GALNT17: variants seen among roughly 807,000 people sequenced by gnomAD.
GALNT17 encodes the protein polypeptide N-acetylgalactosaminyltransferase 17.
GALNT17 carries 29 observed loss-of-function variants against 63.7 expected under a neutral mutation model. The observed-to-expected ratio is 0.46, with a 90% CI of 0.34 to 0.62. GALNT17 has a LOEUF of 0.62. Among genes scored for constraint, GALNT17 ranks in the 20% least tolerant of loss-of-function variants. GALNT17 has a pLI of 0.01. For missense variants in GALNT17, 603 were observed against 799.6 expected (o/e 0.75, Z 2.97); for synonymous variants, 305 against 318.3 (o/e 0.96, Z 0.45).
intron 5 of GALNT17, among the ~76,000 whole-genome samples, chr7:71,564,981 G>A (rs534828316): frequency 7.2e-4 from 109 of 152,152 alleles, no homozygotes; most frequent in African/African-American, 2.6e-3. Flanking sequence ...AAAGTATCAG[G>A]CTGGGCCGGG....
At chr7:71,301,396 A>AAT (rs1304057755) in intron 1 of GALNT17, among the ~76,000 whole-genome samples, 6 of 147,460 alleles carry the variant, frequency 4.1e-5, no homozygotes, top group African/African-American at 1.5e-4. Flanking sequence ...TATATAATAA[A>AAT]ATATATATTT....
At chr7:71,548,090 A>T (rs553169378) in intron 5 of GALNT17, among the ~76,000 whole-genome samples, 8 of 151,500 alleles carry the variant, frequency 5.3e-5, no homozygotes, top group African/African-American at 1.5e-4. Flanking sequence ...TTTTTTTTTA[A>T]AAATTAGCTG....
In GALNT17 at chr7:71,495,488, G is replaced by A. The variant is rs375906619; in HGVS notation, c.962+74383G>A. Among the ~76,000 whole-genome samples, 27 of 152,150 alleles carry A rather than the reference G, an allele frequency of 1.8e-4. 1 individual carries two copies. The highest frequency in any genetic ancestry group is 6.3e-4 in the African/African-American group (26 of 41,490). ...TAATTAATCAAAATAACCTCGGTGG[G>A]GAGGCATTATTATTATCATTATTTT... is the stretch of plus-strand genomic sequence containing the variant. On this transcript the variant is annotated intron_variant, in intron 5 of 10. Transcript: ENST00000333538.
chr7:71,289,425 G>A (rs1030174894), intron 1 of GALNT17, among the ~76,000 whole-genome samples: 9 of 151,400 alleles, frequency 5.9e-5, no homozygotes, highest in Non-Finnish European at 8.8e-5. Flanking sequence ...TGTTTTTCTC[G>A]TGATAAAGTT....
chr7:71,269,151 G>A (rs1790542110), intron 1 of GALNT17, among the ~76,000 whole-genome samples: 1 of 152,152 alleles, frequency 6.6e-6, no homozygotes, highest in Non-Finnish European at 1.5e-5. Context: ...GGTAACAAAG[G>A]AAAACACCAG....
intron 5 of GALNT17, among the ~76,000 whole-genome samples, chr7:71,535,544 G>C (rs1377662892): frequency 3.3e-5 from 5 of 152,200 alleles, no homozygotes; most frequent in Non-Finnish European, 5.9e-5. Context: ...ATTCTCACCT[G>C]CAAAGTAAAT....
chr7:71,547,579 A>G (rs953635444), intron 5 of GALNT17, among the ~76,000 whole-genome samples: 3 of 152,042 alleles, frequency 2.0e-5, no homozygotes, highest in Non-Finnish European at 4.4e-5. Context: ...GAGGCACCGC[A>G]CCCAGCCTTA....
chr7:71,323,372 C>T (rs1162082109), intron 1 of GALNT17, among the ~76,000 whole-genome samples: 1 of 152,146 alleles, frequency 6.6e-6, no homozygotes, highest in Non-Finnish European at 1.5e-5. Context: ...GCTAGCTGAC[C>T]TCTCCTTTCT....
chr7:71,468,666 C>G (rs1787577769), intron 5 of GALNT17, among the ~76,000 whole-genome samples: 2 of 150,722 alleles, frequency 1.3e-5, no homozygotes, highest in African/African-American at 4.9e-5. Flanking sequence ...ATCCTGCTAC[C>G]TAGGCCTCCC....
chr7:71,503,420 A>T lies in GALNT17; in HGVS notation c.963-67865A>T, dbSNP rs560277671. Among the ~76,000 whole-genome samples the T allele has an allele frequency of 9.0e-4, 137 of 152,234 alleles. 1 individual carries two copies. Among genetic ancestry groups the T allele is most frequent in the African/African-American group, 3.1e-3 (129 of 41,556 alleles). ...CATGCCTAATTTTTGTATTTTTAGT[A>T]GAGACAGGGCTTTGACATGTTGACC... On this transcript the variant is annotated intron_variant, in intron 5 of 10. Transcript: ENST00000333538.
At position 71,288,215 on chromosome 7, in the gene GALNT17, CAAAAA is replaced by C. The variant is rs59555320; in HGVS notation, c.239-47316_239-47312del. Among the ~76,000 whole-genome samples the C allele has an allele frequency of 3.8e-4, 32 of 83,838 alleles. No individual in the cohort carries two copies. In the South Asian group the frequency reaches 0.013, roughly 34 times the overall value. 55.0% of individuals were successfully genotyped at this position (83,838 alleles called of 152,430 possible). ...TGGGCGACAGAGTGGGACTCCATCTCAAAAAAAAAAAAAAAAAAAAAAATCCAAAC... is the reference window on the plus strand; with the variant it reads ...TGGGCGACAGAGTGGGACTCCATCTCAAAAAAAAAAAAAAAAAATCCAAAC... On this transcript the variant is annotated intron_variant, in intron 1 of 10. Transcript: ENST00000333538.
chr7:71,387,709 G>C (rs1164104742), intron 2 of GALNT17, among the ~76,000 whole-genome samples: 1 of 152,162 alleles, frequency 6.6e-6, no homozygotes, highest in Non-Finnish European at 1.5e-5. Flanking sequence ...AGGAAATGGA[G>C]GGGCTGGAGT....
chr7:71,145,869 C>A (rs1788013370), intron 1 of GALNT17, among the ~76,000 whole-genome samples: 1 of 152,150 alleles, frequency 6.6e-6, no homozygotes, highest in Non-Finnish European at 1.5e-5. Flanking sequence ...CCACACCCCG[C>A]TAATTTTTGT....
chr7:71,311,404 T>C (rs933253162), intron 1 of GALNT17, among the ~76,000 whole-genome samples: 3 of 152,078 alleles, frequency 2.0e-5, no homozygotes, highest in African/African-American at 7.2e-5. Context: ...GCATCTTATG[T>C]TTGGAGATAG....
At chr7:71,175,130 GTCTA>G (rs1222444875) in intron 1 of GALNT17, among the ~76,000 whole-genome samples, 1 of 148,684 alleles carries the variant, frequency 6.7e-6, no homozygotes, top group East Asian at 1.9e-4. Context: ...CCATCCATCA[GTCTA>G]TCTGTCCATC....
At chr7:71,380,854 C>T (rs1006952946) in intron 2 of GALNT17, among the ~76,000 whole-genome samples, 1 of 152,018 alleles carries the variant, frequency 6.6e-6, no homozygotes, top group African/African-American at 2.4e-5. Flanking sequence ...GGAAGTGCTT[C>T]TCCCATTTCC....
intron 5 of GALNT17, among the ~76,000 whole-genome samples, chr7:71,537,754 A>G (rs1404621291): frequency 6.6e-6 from 1 of 152,184 alleles, no homozygotes; most frequent in Non-Finnish European, 1.5e-5. Context: ...CAGAGGCTGC[A>G]ATGAGCTGAG....
chr7:71,633,606 A>G lies in GALNT17; in HGVS notation c.1081-31805A>G, dbSNP rs543920173. Among the ~76,000 whole-genome samples, 8 of 152,234 alleles carry G rather than the reference A, an allele frequency of 5.3e-5. No individual in the cohort carries two copies. The East Asian group carries it at 1.4e-3, about 26-fold the overall frequency. On this transcript the variant is annotated intron_variant, in intron 6 of 10. Coordinates refer to ENST00000333538, the MANE Select transcript of GALNT17 (RefSeq NM_022479.3). ...ATTTCTGTTCTCTCTGCTAATCTTC[A>G]TATAACATGCCTCATTGCCCTCTGA... is the stretch of plus-strand genomic sequence containing the variant.
intron 5 of GALNT17, among the ~76,000 whole-genome samples, chr7:71,543,205 A>G (rs1313317601): frequency 6.6e-6 from 1 of 152,126 alleles, no homozygotes; most frequent in Non-Finnish European, 1.5e-5. Flanking sequence ...GTTCCCATCC[A>G]AGTTATTTTT....
Sources: allele counts gnomAD v4.1 joint callset (sites outside exome capture counted in the v4.1 genomes callset), GRCh38; gene constraint gnomAD v4.1.1; transcripts MANE v1.5; gene names NCBI Gene and HGNC (gene_info 2026-07-23, HGNC 2026-07-21).